CHST8: variants seen among roughly 807,000 people sequenced by gnomAD.
CHST8 encodes the protein carbohydrate sulfotransferase 8.
In CHST8, 10 loss-of-function variants were observed where a neutral mutation model predicts 15.0. That is an observed-to-expected ratio of 0.67 (90% CI 0.41 to 1.13). The LOEUF (loss-of-function observed/expected upper bound fraction) is 1.13. Among genes scored for constraint, CHST8 ranks in the 50% most tolerant of loss-of-function variants. CHST8 has a pLI of 0.00. For missense variants in CHST8, 634 were observed against 608.2 expected (o/e 1.04, Z -0.45); for synonymous variants, 259 against 256.6 (o/e 1.01, Z -0.09).
chr19:33,669,271 A>G (rs1189275298), intron 2 of CHST8, among the ~76,000 whole-genome samples: 1 of 152,176 alleles, frequency 6.6e-6, no homozygotes, highest in Non-Finnish European at 1.5e-5. Context: ...GCCATCTACA[A>G]ACCAAACATG....
At chr19:33,624,768 G>C (rs1972030088) in intron 1 of CHST8, among the ~76,000 whole-genome samples, 1 of 152,222 alleles carries the variant, frequency 6.6e-6, no homozygotes, top group South Asian at 2.1e-4. Flanking sequence ...TGGTTTTGCT[G>C]ATGGAAGAGA....
intron 3 of CHST8, among the ~76,000 whole-genome samples, chr19:33,741,605 C>A (rs1326552115): frequency 2.6e-5 from 4 of 152,038 alleles, no homozygotes; most frequent in African/African-American, 9.7e-5. Context: ...TCTGGTGGGA[C>A]TTGCGTGTCT....
intron 3 of CHST8, among the ~76,000 whole-genome samples, chr19:33,742,604 T>G (rs1037283419): frequency 1.3e-5 from 2 of 152,198 alleles, no homozygotes; most frequent in Admixed American, 1.3e-4. Flanking sequence ...GGGGATTTCA[T>G]TTCAACATGA....
chr19:33,690,349 G>GCT (rs1973077499), intron 3 of CHST8, among the ~76,000 whole-genome samples: 6 of 152,164 alleles, frequency 3.9e-5, no homozygotes, highest in African/African-American at 1.4e-4. Flanking sequence ...TAGGCAGAGG[G>GCT]GTTGCTGCGT....
chr19:33,679,773 A>G (rs1368147086), intron 2 of CHST8, among the ~76,000 whole-genome samples: 1 of 152,190 alleles, frequency 6.6e-6, no homozygotes, highest in Non-Finnish European at 1.5e-5. Flanking sequence ...ATCATCTGCA[A>G]AACAGAGTGG....
At chr19:33,649,625 T>C (rs1334679234) in intron 1 of CHST8, among the ~76,000 whole-genome samples, 24 of 152,226 alleles carry the variant, frequency 1.6e-4, no homozygotes, top group Admixed American at 1.6e-3. Context: ...CGTCCCATGT[T>C]TACCTTGTTT....
At chr19:33,725,638 C>T (rs1156455763) in intron 3 of CHST8, among the ~76,000 whole-genome samples, 1 of 152,222 alleles carries the variant, frequency 6.6e-6, no homozygotes, top group Non-Finnish European at 1.5e-5. Context: ...GCTCTCCCAC[C>T]CACTCTGGCC....
At chr19:33,648,838 TATA>T (rs1429076101) in intron 1 of CHST8, among the ~76,000 whole-genome samples, 1 of 147,280 alleles carries the variant, frequency 6.8e-6, no homozygotes, top group African/African-American at 2.5e-5. Context: ...ATGGATAAAA[TATA>T]ATAATAAATG....
chr19:33,688,021 C>T (rs539076011), intron 2 of CHST8, among the ~76,000 whole-genome samples: 11 of 152,300 alleles, frequency 7.2e-5, no homozygotes, highest in South Asian at 6.2e-4. Context: ...TTCCCTCCAG[C>T]GCTCTTGGGT....
chr19:33,670,962 C>T (rs1288540971), intron 2 of CHST8, among the ~76,000 whole-genome samples: 1 of 152,162 alleles, frequency 6.6e-6, no homozygotes, highest in Non-Finnish European at 1.5e-5. Flanking sequence ...GCCTATGTAG[C>T]TGGTAAGTGG....
intron 3 of CHST8, among the ~76,000 whole-genome samples, chr19:33,701,405 G>A (rs750526208): frequency 6.6e-6 from 1 of 152,096 alleles, no homozygotes; most frequent in Non-Finnish European, 1.5e-5. Context: ...GTAATAACAG[G>A]AATCACCTAA....
intron 3 of CHST8, among the ~76,000 whole-genome samples, chr19:33,768,087 A>C (rs1225488705): frequency 6.6e-6 from 1 of 152,052 alleles, no homozygotes; most frequent in Non-Finnish European, 1.5e-5. Context: ...CCACTTGGGG[A>C]TGTGCAGACC....
intron 3 of CHST8, among the ~76,000 whole-genome samples, chr19:33,736,410 G>A (rs1331285785): frequency 6.6e-6 from 1 of 152,188 alleles, no homozygotes; most frequent in Non-Finnish European, 1.5e-5. Flanking sequence ...TGGATGATTT[G>A]CACCAGGCTG....
chr19:33,666,134 C>T (rs143831322), intron 1 of CHST8, among the ~76,000 whole-genome samples: 5 of 152,332 alleles, frequency 3.3e-5, no homozygotes, highest in African/African-American at 4.8e-5. Context: ...ATGTAGGCCA[C>T]GCTAATTAGT....
intron 3 of CHST8, among the ~76,000 whole-genome samples, chr19:33,725,329 C>T (rs974113941): frequency 2.0e-5 from 3 of 152,138 alleles, no homozygotes; most frequent in Non-Finnish European, 4.4e-5. Context: ...GGCCCCTCCT[C>T]GACTCATTCT....
chr19:33,679,925 A>G (rs1972862876), intron 2 of CHST8, among the ~76,000 whole-genome samples: 1 of 152,142 alleles, frequency 6.6e-6, no homozygotes, highest in Admixed American at 6.5e-5. Context: ...TCTCTGGGCA[A>G]CCCACATCCA....
intron 3 of CHST8, among the ~76,000 whole-genome samples, chr19:33,759,388 C>T (rs1420734371): frequency 1.3e-5 from 2 of 152,250 alleles, no homozygotes; most frequent in Non-Finnish European, 2.9e-5. Context: ...GAGGCGTTGA[C>T]ATCCGTCCCA....
In CHST8 at chr19:33,690,838, G is replaced by A. The variant is rs60271741; in HGVS notation, c.130+1447G>A. On this transcript the variant is annotated intron_variant, in intron 3 of 4. Coordinates refer to ENST00000650847, the MANE Select transcript of CHST8 (RefSeq NM_001127895.2). ...GGACAGCGCCACCAGGGCAGACAGCGAGCTGGTACCTAAGGTCATGTGTTA... is the reference window on the plus strand; with the variant it reads ...GGACAGCGCCACCAGGGCAGACAGCAAGCTGGTACCTAAGGTCATGTGTTA... 7.1e-3 allele frequency among the ~76,000 whole-genome samples: 1,081 copies of A among 152,336 alleles called. 20 individuals are homozygous for A. Among genetic ancestry groups the A allele is most frequent in the African/African-American group, 0.024 (984 of 41,580 alleles).
At chr19:33,643,578 A>G (rs1972311811) in intron 1 of CHST8, among the ~76,000 whole-genome samples, 1 of 151,914 alleles carries the variant, frequency 6.6e-6, no homozygotes, top group South Asian at 2.1e-4. Flanking sequence ...TGGAACATTC[A>G]CTCTTTGCTT....
Sources: gnomAD v4.1 joint callset for allele counts (sites outside exome capture counted in the v4.1 genomes callset) on GRCh38, gnomAD v4.1.1 for gene constraint, MANE v1.5 for transcripts, NCBI Gene and HGNC (gene_info 2026-07-23, HGNC 2026-07-21) for gene names.